FAM3D: variants seen among roughly 807,000 people sequenced by gnomAD.
The protein encoded by FAM3D is FAM3 metabolism regulating signaling molecule D.
In FAM3D, 26 loss-of-function variants were observed where a neutral mutation model predicts 29.8. That is an observed-to-expected ratio of 0.87 (90% CI 0.64 to 1.21). The LOEUF (loss-of-function observed/expected upper bound fraction) is 1.21. FAM3D is among the 50% of genes most tolerant of loss of function. FAM3D has a pLI of 0.00. For missense variants in FAM3D, 253 were observed against 290.9 expected (o/e 0.87, Z 0.95); for synonymous variants, 115 against 102.3 (o/e 1.12, Z -0.75).
intron 2 of FAM3D, among the ~76,000 whole-genome samples, chr3:58,655,280 T>C (rs1322267303): frequency 6.6e-6 from 1 of 152,150 alleles, no homozygotes; most frequent in Non-Finnish European, 1.5e-5. Context: ...GTAAATATTT[T>C]TGTCTCTAAT....
chr3:58,666,507 C>G (rs189329262), intron 1 of FAM3D, 69 bp downstream of exon 1: 1 of 152,358 alleles, frequency 6.6e-6, no homozygotes, highest in African/African-American at 2.4e-5. Flanking sequence ...CCCTCCCCAC[C>G]TCCATTTTCC....
At chr3:58,636,843 T>C (rs1215289844) in intron 8 of FAM3D, among the ~76,000 whole-genome samples, 2 of 152,172 alleles carry the variant, frequency 1.3e-5, no homozygotes, top group Non-Finnish European at 2.9e-5. Flanking sequence ...GCACCATCAT[T>C]TTTGATGCAG....
At chr3:58,655,931 A>G (rs2066782435) in intron 1 of FAM3D, among the ~76,000 whole-genome samples, 1 of 152,042 alleles carries the variant, frequency 6.6e-6, no homozygotes, top group South Asian at 2.1e-4. Context: ...TTGTTCATCC[A>G]TCTCTTCACC....
In FAM3D at chr3:58,645,478, AAAT is replaced by A. The variant is rs773856551; in HGVS notation, c.263+28_263+30del. On this transcript the variant is annotated intron_variant, in intron 5 of 9. Transcript: ENST00000358781. ...GAATGAAATAAAATAAAATAAAATA[AAAT>A]AAACATAGTTGTGTCTTAGGTACTT... is the stretch of plus-strand genomic sequence containing the variant. 44 of 1,457,902 alleles carry A rather than the reference AAAT, an allele frequency of 3.0e-5. 1 individual carries two copies. The South Asian group carries it at 5.3e-4, about 18-fold the overall frequency. 90.3% of individuals were successfully genotyped at this position (1,457,902 alleles called of 1,614,324 possible).
intron 4 of FAM3D, among the ~76,000 whole-genome samples, chr3:58,645,937 G>A (rs568959459): frequency 1.3e-5 from 2 of 152,178 alleles, no homozygotes; most frequent in Admixed American, 1.3e-4. Context: ...CTATGACGAA[G>A]GGACTCTCCT....
intron 1 of FAM3D, among the ~76,000 whole-genome samples, chr3:58,656,147 G>A (rs2066791014): frequency 6.6e-6 from 1 of 152,168 alleles, no homozygotes; most frequent in South Asian, 2.1e-4. Flanking sequence ...GAAACCATCA[G>A]GGAGCAGAAG....
rs2066458561 is a variant in FAM3D at position 58,645,686 on chromosome 3, G to A, written c.146-60C>T. On this transcript the variant is annotated intron_variant, in intron 4 of 9. Coordinates refer to ENST00000358781, the MANE Select transcript of FAM3D (RefSeq NM_138805.3). ...AGCTCAGGAGGTACTTGGGGGAGAAGGAGGGGAGGGCCAGGGCTAGGGCCA... is the reference window on the plus strand; with the variant it reads ...AGCTCAGGAGGTACTTGGGGGAGAAAGAGGGGAGGGCCAGGGCTAGGGCCA... The A allele has an allele frequency of 2.8e-6, 4 of 1,438,524 alleles. No homozygotes were observed. In the Admixed American group the frequency reaches 5.0e-5, roughly 18 times the overall value. 89.1% of individuals were successfully genotyped at this position (1,438,524 alleles called of 1,614,324 possible).
intron 1 of FAM3D, among the ~76,000 whole-genome samples, chr3:58,665,713 G>A (rs1021705338): frequency 2.0e-5 from 3 of 152,200 alleles, no homozygotes; most frequent in African/African-American, 7.2e-5. Context: ...GATTGCCTGG[G>A]GAAGTTATTA....
chr3:58,637,261 G>A (rs1353185175), intron 7 of FAM3D, 36 bp from the exon 8 acceptor site: 2 of 1,560,124 alleles, frequency 1.3e-6, no homozygotes, highest in Non-Finnish European at 1.8e-6. Context: ...GTGATTTAGG[G>A]GAAATGAGCC....
chr3:58,659,390 T>C (rs1255316706), intron 1 of FAM3D, among the ~76,000 whole-genome samples: 1 of 152,214 alleles, frequency 6.6e-6, no homozygotes, highest in African/African-American at 2.4e-5. Context: ...GCCTGCGGCC[T>C]TCTGTACACA....
chr3:58,661,755 C>A (rs1399668777), intron 1 of FAM3D, among the ~76,000 whole-genome samples: 32 of 152,144 alleles, frequency 2.1e-4, no homozygotes, highest in Non-Finnish European at 1.2e-4. Context: ...AAGAATGCAC[C>A]CAAAACCCAA....
rs141612416 is a variant in FAM3D at position 58,642,170 on chromosome 3, A to G, written c.322+1492T>C. ...CTCAAAGCTGCAGAGGAACGGCTGC[A>G]CTCAGCCTCCTGCCACTCCCTGCCC... On this transcript the variant is annotated intron_variant, in intron 6 of 9. Transcript: ENST00000358781. Among the ~76,000 whole-genome samples, 780 of 152,166 alleles carry G rather than the reference A, an allele frequency of 5.1e-3. 2 individuals are homozygous for G. Among genetic ancestry groups the G allele is most frequent in the Non-Finnish European group, 8.1e-3 (554 of 67,980 alleles).
chr3:58,665,409 G>A (rs2067011050), intron 1 of FAM3D, among the ~76,000 whole-genome samples: 2 of 152,002 alleles, frequency 1.3e-5, no homozygotes, highest in Non-Finnish European at 1.5e-5. Flanking sequence ...GAAGGACCCG[G>A]CATTCTCTTG....
At chr3:58,646,499 C>A (rs1431021824) in intron 4 of FAM3D, among the ~76,000 whole-genome samples, 1 of 152,240 alleles carries the variant, frequency 6.6e-6, no homozygotes, top group Non-Finnish European at 1.5e-5. Context: ...TCTGGGATGA[C>A]ACCCGCCCTT....
intron 7 of FAM3D, 140 bp from the exon 8 acceptor site, chr3:58,637,365 C>A: frequency 1.4e-6 from 1 of 735,588 alleles, no homozygotes; most frequent in South Asian, 1.8e-5. Flanking sequence ...GGAGGAAGAG[C>A]ATCCCAGGTG....
At chr3:58,641,362 T>C (rs1202108329) in intron 6 of FAM3D, among the ~76,000 whole-genome samples, 1 of 151,996 alleles carries the variant, frequency 6.6e-6, no homozygotes, top group East Asian at 1.9e-4. Flanking sequence ...GGCAAGTTGC[T>C]TAACCTCTTT....
intron 3 of FAM3D, 200 bp from the exon 4 acceptor site, chr3:58,649,538 T>G: frequency 1.6e-6 from 1 of 619,084 alleles, no homozygotes; most frequent in South Asian, 1.9e-5. Flanking sequence ...GATACACATG[T>G]GTACACACAC....
intron 3 of FAM3D, among the ~76,000 whole-genome samples, chr3:58,653,151 G>A (rs1026149629): frequency 6.6e-6 from 1 of 152,150 alleles, no homozygotes; most frequent in African/African-American, 2.4e-5. Context: ...TAATGATGGT[G>A]TTCTGAAAGG....
At chr3:58,639,386 T>G (rs1023465990) in intron 7 of FAM3D, among the ~76,000 whole-genome samples, 4 of 152,218 alleles carry the variant, frequency 2.6e-5, no homozygotes, top group Admixed American at 6.5e-5. Context: ...AGGCATCACT[T>G]GCTTCAGGTC....
Sources: allele counts gnomAD v4.1 joint callset (sites outside exome capture counted in the v4.1 genomes callset), GRCh38; gene constraint gnomAD v4.1.1; transcripts MANE v1.5; gene names NCBI Gene and HGNC (gene_info 2026-07-23, HGNC 2026-07-21).